The following KIF1A variants were observed in gnomAD, a reference collection of about 807,000 sequenced individuals.
KIF1A encodes kinesin-like protein KIF1A.
A neutral mutation model predicts 227.3 loss-of-function variants in KIF1A; 46 were observed. The observed-to-expected ratio is 0.20, with a 90% CI of 0.16 to 0.26. KIF1A has a LOEUF of 0.26. Among genes scored for constraint, KIF1A ranks in the 10% least tolerant of loss-of-function variants. The pLI is 1.00. For synonymous variants in KIF1A, 1,022 were observed against 1,012.8 expected (o/e 1.01, Z -0.17); for missense variants, 1,683 against 2,485.9 (o/e 0.68, Z 6.87).
chr2:240,772,620 G>T, intron 13 of KIF1A, 24 bp from the exon 14 acceptor site: 2 of 1,523,082 alleles, frequency 1.3e-6, no homozygotes, highest in Non-Finnish European at 1.8e-6. Flanking sequence ...AAGCGTGGGG[G>T]AGGGGGAGAG....
chr2:240,738,968 G>A (rs1245477217), intron 37 of KIF1A, among the ~76,000 whole-genome samples: 6 of 152,240 alleles, frequency 3.9e-5, no homozygotes, highest in Non-Finnish European at 8.8e-5. Context: ...ATTTGCTTAC[G>A]TTCTGCCTAT....
chr2:240,737,241 G>C lies in KIF1A; in HGVS notation c.3902-73C>G, dbSNP rs981684258. On this transcript the variant is annotated intron_variant, in intron 37 of 48. Transcript: ENST00000498729. The stretch of plus-strand genomic sequence containing the variant: ...GGACCCTGGGGGGCTGCCTCAGGTG[G>C]GGGTCCTGTCAGCAAGCCAGCTCCC... The C allele has an allele frequency of 2.5e-6, 3 of 1,198,226 alleles. No homozygotes were observed. In the Admixed American group the frequency reaches 5.1e-5, roughly 20 times the overall value. The allele number at this position is 1,198,226 out of a possible 1,614,324, so 74.2% of individuals were successfully genotyped here.
chr2:240,718,184 G>C lies in KIF1A; in HGVS notation c.5215-16C>G. ...TGTTGGGTGTCTGCAGAGGGAGGCA[G>C]CTGGTGAGGAGGTGCCAGGCTCCGT... is the stretch of plus-strand genomic sequence containing the variant. On this transcript the variant is annotated splice_polypyrimidine_tract_variant and intron_variant, in intron 47 of 48. Coordinates refer to ENST00000498729, the MANE Select transcript of KIF1A (RefSeq NM_001244008.2). 6.5e-7 allele frequency: 1 copy of C among 1,549,746 alleles called. No individual in the cohort carries two copies. The highest frequency in any genetic ancestry group is 8.8e-7 in the Non-Finnish European group (1 of 1,134,460).
rs1305766199 is a variant in KIF1A at position 240,715,060 on chromosome 2, A to G, written c.*2304T>C. 1 of 152,302 alleles carries G rather than the reference A, an allele frequency of 6.6e-6. No individual in the cohort carries two copies. The highest frequency in any genetic ancestry group is 1.5e-5 in the Non-Finnish European group (1 of 68,046). The allele number at this position is 152,302 out of a possible 1,614,324, so 9.4% of individuals were successfully genotyped here. Reference sequence around the variant, plus strand: ...CCACAGCCTCAGGCTGGCTGACCTGAGTTGGCCGTGGCAGGGCCTGTGCCT... The same window carrying G: ...CCACAGCCTCAGGCTGGCTGACCTGGGTTGGCCGTGGCAGGGCCTGTGCCT... On this transcript the variant is annotated 3_prime_UTR_variant, in exon 49 of 49. Coordinates refer to ENST00000498729, the MANE Select transcript of KIF1A (RefSeq NM_001244008.2).
At position 240,719,103 on chromosome 2, in the gene KIF1A, T is replaced by TA; in HGVS notation, c.5116dup (p.Tyr1706LeufsTer26). On this transcript the variant is annotated frameshift_variant, in exon 47 of 49. Transcript: ENST00000498729. LOFTEE classifies it high-confidence loss of function. ...GGTGTCCTTGTCGCTGTTGTACATGTAGGCATAGGGGCGCCGCACCACCAC... is the reference window on the plus strand; with the variant it reads ...GGTGTCCTTGTCGCTGTTGTACATGTAAGGCATAGGGGCGCCGCACCACCAC... 1 of 1,612,616 alleles carries TA rather than the reference T, an allele frequency of 6.2e-7. No homozygotes were observed.
At chr2:240,722,348 T>C (rs2045506678) in intron 43 of KIF1A, 108 bp downstream of exon 43, 1 of 1,076,542 alleles carries the variant, frequency 9.3e-7, no homozygotes. Context: ...CTGGTGGTGC[T>C]AACCAGAGCA....
intron 6 of KIF1A, among the ~76,000 whole-genome samples, chr2:240,785,997 C>T (rs901946527): frequency 6.6e-5 from 10 of 152,160 alleles, no homozygotes; most frequent in Non-Finnish European, 1.2e-4. Flanking sequence ...ACACTGGCCC[C>T]CACACAGAAT....
At position 240,786,835 on chromosome 2, in the gene KIF1A, C is replaced by CCACCA. The variant is rs1310781016; in HGVS notation, c.430-323_430-322insTGGTG. On this transcript the variant is annotated intron_variant, in intron 5 of 48. Coordinates refer to ENST00000498729, the MANE Select transcript of KIF1A (RefSeq NM_001244008.2). ...GGACCCCTGAGTGAGAGGGTGGGGG[C>CCACCA]TGCCTGCTGAGCAGAGGGCTCCCAG... 6.9e-4 allele frequency among the ~76,000 whole-genome samples: 104 copies of CCACCA among 151,766 alleles called. 1 individual carries two copies. The highest frequency in any genetic ancestry group is 9.7e-4 in the East Asian group (5 of 5,164).
At chr2:240,720,506 A>G (rs987358564) in intron 45 of KIF1A, 2 of 167,434 alleles carry the variant, frequency 1.2e-5, no homozygotes, top group African/African-American at 4.8e-5. Flanking sequence ...AATTGTACAT[A>G]AGGGGTTCAC....
chr2:240,777,465 C>G (rs1002979881), intron 10 of KIF1A, among the ~76,000 whole-genome samples: 3 of 152,136 alleles, frequency 2.0e-5, no homozygotes, highest in African/African-American at 7.2e-5. Flanking sequence ...CCCAGCAGCC[C>G]CCTGGGTTTC....
chr2:240,718,459 GC>G (rs1405935171), intron 47 of KIF1A, among the ~76,000 whole-genome samples: 3 of 152,246 alleles, frequency 2.0e-5, no homozygotes, highest in Admixed American at 1.3e-4. Flanking sequence ...GGCTGCTGGT[GC>G]AGATGTGGGT....
rs372662963 is a variant in KIF1A at position 240,804,202 on chromosome 2, G to A, written c.-60-6390C>T. On this transcript the variant is annotated intron_variant, in intron 1 of 48. Coordinates refer to ENST00000498729, the MANE Select transcript of KIF1A (RefSeq NM_001244008.2). ...AATTGCTTGAACCTGGGAAGCAGAGGTTGCAGTGAGCCACGATCACGCCAC... is the reference window on the plus strand; with the variant it reads ...AATTGCTTGAACCTGGGAAGCAGAGATTGCAGTGAGCCACGATCACGCCAC... Among the ~76,000 whole-genome samples, 23 of 152,322 alleles carry A rather than the reference G, an allele frequency of 1.5e-4. 3 individuals carry two copies. The East Asian group carries it at 3.5e-3, about 23-fold the overall frequency.
In KIF1A at chr2:240,725,521, C is replaced by T. The variant is rs917443730; in HGVS notation, c.4123-117G>A. Reference sequence around the variant, plus strand: ...CCGACAGGCAGCCCCAGGGCCTTCCCAGGGCCTCAGGTGTGGCCTGGACGC... The same window carrying T: ...CCGACAGGCAGCCCCAGGGCCTTCCTAGGGCCTCAGGTGTGGCCTGGACGC... On this transcript the variant is annotated intron_variant, in intron 39 of 48. Coordinates refer to ENST00000498729, the MANE Select transcript of KIF1A (RefSeq NM_001244008.2). This position sits in a 1 kb window ranked among gnomAD's most constrained non-coding sequence, Gnocchi z 5.8. 1.3e-5 allele frequency: 15 copies of T among 1,141,726 alleles called. No homozygotes were observed. The highest frequency in any genetic ancestry group is 1.9e-5 in the Non-Finnish European group (15 of 809,110). 70.7% of individuals were successfully genotyped at this position (1,141,726 alleles called of 1,614,324 possible).
Position 240,735,607 on chromosome 2 carries a change from G to A in KIF1A, c.4007+1456C>T, listed in dbSNP as rs562776589. Among the ~76,000 whole-genome samples the A allele has an allele frequency of 2.0e-5, 3 of 152,276 alleles. No individual in the cohort carries two copies. The East Asian group carries it at 5.8e-4, about 29-fold the overall frequency. ...AAAGCACATCTCACATGGCAGACCC[G>A]CCCTTCCGGGCCCCACCCCCTACTC... On this transcript the variant is annotated intron_variant, in intron 38 of 48. Transcript: ENST00000498729.
intron 19 of KIF1A, 132 bp from the exon 20 acceptor site, chr2:240,765,925 T>C: frequency 1.5e-6 from 1 of 678,114 alleles, no homozygotes; most frequent in Non-Finnish European, 2.6e-6. Flanking sequence ...ACACAGGCCG[T>C]GACCATTGGC....
At chr2:240,733,279 G>C (rs958727457) in intron 38 of KIF1A, among the ~76,000 whole-genome samples, 1 of 152,026 alleles carries the variant, frequency 6.6e-6, no homozygotes, top group Non-Finnish European at 1.5e-5. Context: ...AGATCTTTCC[G>C]AGCATGGGGA....
rs866575333 is a variant in KIF1A, at chr2:240,820,171, G to C, written c.-110C>G. The C allele has an allele frequency of 1.1e-4, 16 of 149,350 alleles. No homozygotes were observed. In the Middle Eastern group the frequency reaches 0.021, roughly 193 times the overall value. The allele number at this position is 149,350 out of a possible 1,614,324, so 9.3% of individuals were successfully genotyped here. On this transcript the variant is annotated 5_prime_UTR_variant, in exon 1 of 49. Transcript: ENST00000498729. This position sits in a 1 kb window ranked among gnomAD's most constrained non-coding sequence, Gnocchi z 6.2. Reference sequence around the variant, plus strand: ...CCCGCATGGGCACTGGCATGGGCGCGGGCTCTCGAGCCCGGAGCTGCTGCC... The same window carrying C: ...CCCGCATGGGCACTGGCATGGGCGCCGGCTCTCGAGCCCGGAGCTGCTGCC...
At chr2:240,721,176 A>C in intron 44 of KIF1A, 138 bp from the exon 45 acceptor site, 1 of 1,183,798 alleles carries the variant, frequency 8.4e-7, no homozygotes, top group Non-Finnish European at 1.2e-6. Flanking sequence ...GCCTTGGCTC[A>C]AAGTTGGCCA....
chr2:240,772,873 G>C (rs2052192435), intron 13 of KIF1A, among the ~76,000 whole-genome samples: 1 of 152,252 alleles, frequency 6.6e-6, no homozygotes, highest in Non-Finnish European at 1.5e-5. Context: ...GCCAAGGCCA[G>C]GAAACTTGCC....
Sources: gnomAD v4.1 joint callset for allele counts (sites outside exome capture counted in the v4.1 genomes callset) on GRCh38, gnomAD v4.1.1 for gene constraint, Gnocchi (gnomAD v3.1) non-coding constraint, MANE v1.5 for transcripts, NCBI Gene and HGNC (gene_info 2026-07-23, HGNC 2026-07-21) for gene names.